SPAG9: variants seen among roughly 807,000 people sequenced by gnomAD.
SPAG9 encodes the protein C-Jun-amino-terminal kinase-interacting protein 4.
In SPAG9, 35 loss-of-function variants were observed where a neutral mutation model predicts 166.5. The observed-to-expected ratio is 0.21, with a 90% CI of 0.16 to 0.28. SPAG9 has a LOEUF of 0.28. Among genes scored for constraint, SPAG9 ranks in the 10% least tolerant of loss-of-function variants. The pLI is 1.00. For missense variants in SPAG9, 1,235 were observed against 1,603.3 expected, an observed-to-expected ratio of 0.77 and a Z score of 3.92; for synonymous variants, 534 against 565.5, an observed-to-expected ratio of 0.94 and a Z score of 0.79.
chr17:51,118,490 G>T (rs778861066), intron 1 of SPAG9, among the ~76,000 whole-genome samples: 76 of 152,318 alleles, frequency 5.0e-4, no homozygotes, highest in South Asian at 2.1e-4. Context: ...GGAGTTTAAG[G>T]CTGGAGGGAG....
intron 1 of SPAG9, among the ~76,000 whole-genome samples, chr17:51,116,236 G>A (rs1221886138): frequency 6.6e-6 from 1 of 152,034 alleles, no homozygotes; most frequent in East Asian, 1.9e-4. Context: ...AGTACAGACA[G>A]GGTTTCATCA....
chr17:51,014,201 G>C (rs1229996807), intron 9 of SPAG9, 31 bp downstream of exon 9: 1 of 1,571,090 alleles, frequency 6.4e-7, no homozygotes, highest in African/African-American at 1.4e-5. Flanking sequence ...TTTAAAAACA[G>C]TATGATATTT....
At chr17:51,051,293 G>T (rs2047176619) in intron 3 of SPAG9, among the ~76,000 whole-genome samples, 1 of 152,152 alleles carries the variant, frequency 6.6e-6, no homozygotes, top group South Asian at 2.1e-4. Context: ...ATTTTTAGTA[G>T]AAATGGAGTT....
At chr17:51,113,694 C>A (rs1196415511) in intron 1 of SPAG9, among the ~76,000 whole-genome samples, 3 of 139,634 alleles carry the variant, frequency 2.1e-5, no homozygotes, top group East Asian at 2.1e-4. Context: ...AAAAAAAAAA[C>A]AACAACAACA....
At chr17:51,036,934 G>A (rs1267715640) in intron 5 of SPAG9, among the ~76,000 whole-genome samples, 2 of 152,102 alleles carry the variant, frequency 1.3e-5, no homozygotes, top group Non-Finnish European at 2.9e-5. Context: ...CTTAATACCT[G>A]GTAGAGCAAG....
At chr17:51,090,078 G>A (rs2048424504) in intron 1 of SPAG9, among the ~76,000 whole-genome samples, 1 of 152,024 alleles carries the variant, frequency 6.6e-6, no homozygotes, top group African/African-American at 2.4e-5. Context: ...TCCAGGCAGA[G>A]GTCACAGCAC....
intron 26 of SPAG9, 59 bp downstream of exon 26, chr17:50,979,683 CATAG>C: frequency 8.7e-6 from 13 of 1,494,102 alleles, no homozygotes; most frequent in East Asian, 2.3e-5. Flanking sequence ...TCAATAAACA[CATAG>C]ATAGATAAAA....
At chr17:51,114,186 C>T (rs183603190) in intron 1 of SPAG9, among the ~76,000 whole-genome samples, 7 of 151,906 alleles carry the variant, frequency 4.6e-5, no homozygotes, top group Non-Finnish European at 1.0e-4. Flanking sequence ...ATTAGCCGGG[C>T]GTGCTGGCGC....
chr17:51,109,347 T>C (rs554456535), intron 1 of SPAG9, among the ~76,000 whole-genome samples: 7 of 151,662 alleles, frequency 4.6e-5, no homozygotes, highest in African/African-American at 9.7e-5. Context: ...AGTGATTCTC[T>C]TGCTTCAGCC....
chr17:51,104,932 C>CAAAAAAA (rs397856546), intron 1 of SPAG9, among the ~76,000 whole-genome samples: 3 of 57,466 alleles, frequency 5.2e-5, no homozygotes, highest in African/African-American at 2.0e-4. Context: ...GACTCCGTCT[C>CAAAAAAA]AAAAAAAAAA....
intron 1 of SPAG9, among the ~76,000 whole-genome samples, chr17:51,091,273 CAAAAAAA>C (rs77408635): frequency 2.8e-4 from 14 of 49,160 alleles, no homozygotes; most frequent in African/African-American, 7.1e-4. Flanking sequence ...ACCCTGTATA[CAAAAAAA>C]AAAAAAAAAA....
At chr17:51,113,401 C>T (rs941524306) in intron 1 of SPAG9, among the ~76,000 whole-genome samples, 5 of 150,922 alleles carry the variant, frequency 3.3e-5, no homozygotes, top group African/African-American at 1.2e-4. Flanking sequence ...ATAGGTTGGC[C>T]GGGCACAGTG....
chr17:50,986,728 C>G (rs994591949), intron 22 of SPAG9, among the ~76,000 whole-genome samples: 6 of 152,154 alleles, frequency 3.9e-5, no homozygotes, highest in African/African-American at 1.4e-4. Context: ...TGGGATTGGG[C>G]CTTCCTGCAG....
Position 51,107,649 on chromosome 17 carries a change from A to G in SPAG9, c.303+12705T>C, listed in dbSNP as rs372381079. 4.0e-5 allele frequency among the ~76,000 whole-genome samples: 6 copies of G among 151,556 alleles called. No homozygotes were observed. The East Asian group carries it at 9.7e-4, about 25-fold the overall frequency. On this transcript the variant is annotated intron_variant, in intron 1 of 29. Transcript: ENST00000262013. ...CTACTCGGGAGGCTGAGGCAGGAGA[A>G]TTGCTTGAACCCGGGAGGTGGAGGT...
At chr17:51,114,676 G>A (rs143997268) in intron 1 of SPAG9, among the ~76,000 whole-genome samples, 94 of 152,262 alleles carry the variant, frequency 6.2e-4, no homozygotes, top group Non-Finnish European at 4.7e-4. Flanking sequence ...TGTGGGCCAA[G>A]TGTGGTGGCT....
intron 12 of SPAG9, among the ~76,000 whole-genome samples, chr17:51,002,306 T>C (rs1189930527): frequency 6.6e-6 from 1 of 152,162 alleles, no homozygotes; most frequent in Non-Finnish European, 1.5e-5. Context: ...TGTAAGCCAC[T>C]GTGCCCAGCC....
rs1319795471 is a variant in SPAG9 at position 51,065,328 on chromosome 17, C to T, written c.425-8846G>A. ...AATTATAGGCACGAGCCACCAGGCC[C>T]AGCCTGGATTTCAATTTTAAACAGA... On this transcript the variant is annotated intron_variant, in intron 2 of 29. Transcript: ENST00000262013. Among the ~76,000 whole-genome samples the T allele has an allele frequency of 2.6e-5, 4 of 152,274 alleles. No homozygotes were observed. The East Asian group carries it at 7.7e-4, about 29-fold the overall frequency.
intron 1 of SPAG9, among the ~76,000 whole-genome samples, chr17:51,097,969 C>T (rs1369679994): frequency 1.3e-5 from 2 of 151,854 alleles, no homozygotes; most frequent in Non-Finnish European, 2.9e-5. Flanking sequence ...ACTACAGGCA[C>T]ATGCCACCAT....
In SPAG9 at chr17:51,025,085, G is replaced by A. The variant is rs533501424; in HGVS notation, c.784-3720C>T. ...TGTAATCCCAGCACTTTGGAAGGCC[G>A]AGATAGGTGGATTAGTTGAGGTCAG... is the stretch of plus-strand genomic sequence containing the variant. On this transcript the variant is annotated intron_variant, in intron 6 of 29. Coordinates refer to ENST00000262013, the MANE Select transcript of SPAG9 (RefSeq NM_001130528.3). 3.2e-4 allele frequency among the ~76,000 whole-genome samples: 49 copies of A among 151,608 alleles called. No homozygotes were observed. The South Asian group carries it at 8.1e-3, about 25-fold the overall frequency.
Sources: allele counts gnomAD v4.1 joint callset (sites outside exome capture counted in the v4.1 genomes callset), GRCh38; gene constraint gnomAD v4.1.1; transcripts MANE v1.5; gene names NCBI Gene and HGNC (gene_info 2026-07-23, HGNC 2026-07-21).